Variants in BRD4 observed in about 807,000 individuals in gnomAD.
The protein encoded by BRD4 is bromodomain-containing protein 4.
Under a neutral mutation model 142.1 loss-of-function variants are expected in BRD4, and 16 were observed. The observed-to-expected ratio is 0.11, with a 90% CI of 0.08 to 0.17. BRD4 has a LOEUF of 0.17. Ranked by LOEUF, BRD4 falls within the 10% of genes least tolerant of loss-of-function variation. The pLI is 1.00. For missense variants in BRD4, 1,424 were observed against 1,810.9 expected, an observed-to-expected ratio of 0.79 and a Z score of 3.88; for synonymous variants, 833 against 707.5, an observed-to-expected ratio of 1.18 and a Z score of -2.82.
At chr19:15,313,446 G>C (rs1336658136) in intron 1 of BRD4, among the ~76,000 whole-genome samples, 1 of 149,876 alleles carries the variant, frequency 6.7e-6, no homozygotes, top group Non-Finnish European at 1.5e-5. Context: ...GCCGAGGCGG[G>C]TGGATCATCT....
chr19:15,327,542 T>A (rs1032986673), intron 1 of BRD4, among the ~76,000 whole-genome samples: 1 of 151,828 alleles, frequency 6.6e-6, no homozygotes, highest in Non-Finnish European at 1.5e-5. Context: ...AGACTCCGTC[T>A]CGAAAAAGAA....
intron 1 of BRD4, among the ~76,000 whole-genome samples, chr19:15,288,552 A>G (rs1264527788): frequency 2.6e-5 from 4 of 152,246 alleles, no homozygotes; most frequent in Admixed American, 2.6e-4. Context: ...CACTGCCCTA[A>G]GCCCATCCAC....
intron 1 of BRD4, among the ~76,000 whole-genome samples, chr19:15,302,023 T>A (rs1023848179): frequency 8.2e-4 from 124 of 151,678 alleles, no homozygotes; most frequent in East Asian, 1.6e-3. Context: ...AAAAATCAGC[T>A]GGACATGGTG....
rs199795170 is a variant in BRD4 at position 15,244,568 on chromosome 19, C to T, written c.2244G>A (p.Gln748=). 3.9e-5 allele frequency: 62 copies of T among 1,606,720 alleles called. No individual in the cohort carries two copies. Among genetic ancestry groups the T allele is most frequent in the Non-Finnish European group, 4.9e-5 (58 of 1,179,688 alleles). The change falls in exon 13 of 20, where the codon CAG becomes CAA. Residue 748 remains glutamine, a synonymous_variant. Coordinates refer to ENST00000679869, the MANE Select transcript of BRD4 (RefSeq NM_001379291.1). ...GCTGCTGGGGCACAGGAGCCGGGGC[C>T]TGCTGCATCTGCTGATGGTGGTGAT... ...HHHHHHQQMQ[Q]APAPVPQQPP...
intron 1 of BRD4, among the ~76,000 whole-genome samples, chr19:15,273,362 G>C (rs1467549270): frequency 2.6e-5 from 4 of 152,218 alleles, no homozygotes; most frequent in Admixed American, 2.0e-4. Flanking sequence ...AGAGGAGGCA[G>C]AGTGAGGTGG....
chr19:15,321,676 T>C (rs1188944456), intron 1 of BRD4, among the ~76,000 whole-genome samples: 1 of 152,168 alleles, frequency 6.6e-6, no homozygotes, highest in Non-Finnish European at 1.5e-5. Context: ...TAATTTTGTT[T>C]ATTTATACCA....
chr19:15,267,832 T>G (rs1342641406), intron 3 of BRD4, among the ~76,000 whole-genome samples: 1 of 152,212 alleles, frequency 6.6e-6, no homozygotes, highest in Non-Finnish European at 1.5e-5. Flanking sequence ...CTTAAGCATC[T>G]ACCAAGCTCA....
intron 1 of BRD4, among the ~76,000 whole-genome samples, chr19:15,322,200 A>ATTTCC (rs954833202): frequency 1.3e-5 from 2 of 152,078 alleles, no homozygotes; most frequent in African/African-American, 4.8e-5. Flanking sequence ...ACCCTCTGAC[A>ATTTCC]TTTCCCTTTT....
At chr19:15,297,168 T>C (rs748957239) in intron 1 of BRD4, among the ~76,000 whole-genome samples, 39 of 152,350 alleles carry the variant, frequency 2.6e-4, no homozygotes, top group Non-Finnish European at 3.8e-4. Flanking sequence ...CAGGATGTGA[T>C]ACAGCAGTAG....
intron 1 of BRD4, among the ~76,000 whole-genome samples, chr19:15,330,262 G>C (rs2048145568): frequency 6.6e-6 from 1 of 152,184 alleles, no homozygotes; most frequent in African/African-American, 2.4e-5. Flanking sequence ...ACCAAAGAAA[G>C]AGGTATGGTG....
At position 15,292,911 on chromosome 19, in the gene BRD4, G is replaced by C. The variant is rs570201473; in HGVS notation, c.-34-19778C>G. On this transcript the variant is annotated intron_variant, in intron 1 of 19. Coordinates refer to ENST00000679869, the MANE Select transcript of BRD4 (RefSeq NM_001379291.1). ...CGGATGTGAAAGGATTGCAGCAACA[G>C]AAGGAGGGTAACTCTGCTCACACTG... Among the ~76,000 whole-genome samples the C allele has an allele frequency of 4.6e-5, 7 of 151,114 alleles. No homozygotes were observed. In the South Asian group the frequency reaches 1.5e-3, roughly 32 times the overall value.
At chr19:15,276,279 C>T (rs1401284900) in intron 1 of BRD4, among the ~76,000 whole-genome samples, 2 of 152,182 alleles carry the variant, frequency 1.3e-5, no homozygotes, top group African/African-American at 4.8e-5. Flanking sequence ...AGTGAGAAGT[C>T]CTATGTGAGA....
chr19:15,270,513 A>T (rs951468138), intron 2 of BRD4, among the ~76,000 whole-genome samples: 1 of 152,182 alleles, frequency 6.6e-6, no homozygotes, highest in Non-Finnish European at 1.5e-5. Flanking sequence ...GTGGAAATTT[A>T]AATTTTATTC....
intron 1 of BRD4, among the ~76,000 whole-genome samples, chr19:15,295,389 T>C (rs1400133092): frequency 6.6e-6 from 1 of 152,214 alleles, no homozygotes; most frequent in Non-Finnish European, 1.5e-5. Context: ...AGACACTCCA[T>C]CTGGCTAAAA....
chr19:15,322,184 T>G (rs1227874430), intron 1 of BRD4, among the ~76,000 whole-genome samples: 2 of 152,290 alleles, frequency 1.3e-5, no homozygotes, highest in Admixed American at 6.5e-5. Flanking sequence ...CCTTGAAAAT[T>G]GTGACACCCT....
At chr19:15,271,872 G>A (rs898612601) in intron 2 of BRD4, among the ~76,000 whole-genome samples, 9 of 152,112 alleles carry the variant, frequency 5.9e-5, no homozygotes, top group African/African-American at 1.9e-4. Flanking sequence ...CTTTAAACTT[G>A]GGAGTAAGGA....
intron 1 of BRD4, among the ~76,000 whole-genome samples, chr19:15,288,336 G>GT (rs1174425086): frequency 1.3e-5 from 2 of 152,284 alleles, no homozygotes; most frequent in East Asian, 3.9e-4. Context: ...GAAGCCAGGA[G>GT]TTTCAGGCTG....
intron 1 of BRD4, among the ~76,000 whole-genome samples, chr19:15,276,858 T>G (rs1004618845): frequency 6.6e-6 from 1 of 151,948 alleles, no homozygotes; most frequent in Admixed American, 6.6e-5. Flanking sequence ...GTGAATACTG[T>G]GGAGGAGAAG....
At chr19:15,326,498 A>T (rs1236236315) in intron 1 of BRD4, among the ~76,000 whole-genome samples, 2 of 152,134 alleles carry the variant, frequency 1.3e-5, no homozygotes, top group Admixed American at 1.3e-4. Flanking sequence ...AATAAATAAA[A>T]ATTAAAATTA....
Sources: gnomAD v4.1 joint callset for allele counts (sites outside exome capture counted in the v4.1 genomes callset) on GRCh38, gnomAD v4.1.1 for gene constraint, MANE v1.5 for transcripts, NCBI Gene and HGNC (gene_info 2026-07-23, HGNC 2026-07-21) for gene names.